Variants in PELI2 observed in about 807,000 individuals in gnomAD.
PELI2 encodes the protein pellino E3 ubiquitin protein ligase family member 2, also known as E3 ubiquitin-protein ligase pellino homolog 2.
A neutral mutation model predicts 42.3 loss-of-function variants in PELI2; 23 were observed. The ratio of observed to expected loss-of-function variants is 0.54; its 90% CI spans 0.39 to 0.77. PELI2 has a LOEUF of 0.77. Ranked by LOEUF, PELI2 falls within the 30% of genes least tolerant of loss-of-function variation. The probability of loss-of-function intolerance (pLI) is 0.00; values close to 1 mark genes in which losing one functional copy is unlikely to be tolerated. For synonymous variants in PELI2, 245 were observed against 212.2 expected, an observed-to-expected ratio of 1.15 and a Z score of -1.34; for missense variants, 463 against 553.2, an observed-to-expected ratio of 0.84 and a Z score of 1.64.
In PELI2 at chr14:56,223,108, G is replaced by A. The variant is rs138602867; in HGVS notation, c.207+44644G>A. On this transcript the variant is annotated intron_variant, in intron 2 of 5. Transcript: ENST00000267460. Reference sequence around the variant, plus strand: ...AGTGACCCCTGATGCTCGTGCCTCCGTCCACCTCTACAGCCTGTGGCCAAA... The same window carrying A: ...AGTGACCCCTGATGCTCGTGCCTCCATCCACCTCTACAGCCTGTGGCCAAA... Among the ~76,000 whole-genome samples the A allele has an allele frequency of 1.8e-3, 270 of 152,206 alleles. 1 individual carries two copies. The highest frequency in any genetic ancestry group is 3.1e-3 in the South Asian group (15 of 4,818).
At chr14:56,241,653 T>C (rs1439544559) in intron 2 of PELI2, among the ~76,000 whole-genome samples, 1 of 152,152 alleles carries the variant, frequency 6.6e-6, no homozygotes, top group Non-Finnish European at 1.5e-5. Flanking sequence ...GGGCACTTTA[T>C]TGTGAAATTT....
At chr14:56,175,817 G>A (rs1468948562) in intron 1 of PELI2, among the ~76,000 whole-genome samples, 1 of 152,206 alleles carries the variant, frequency 6.6e-6, no homozygotes, top group East Asian at 1.9e-4. Context: ...GAAGCTGAAG[G>A]AATTTTGTCA....
At chr14:56,176,114 G>A (rs1305981424) in intron 1 of PELI2, among the ~76,000 whole-genome samples, 1 of 152,218 alleles carries the variant, frequency 6.6e-6, no homozygotes, top group Non-Finnish European at 1.5e-5. Context: ...CCAGAGTGGT[G>A]GGGAAGATGT....
chr14:56,159,798 C>T (rs1884690043), intron 1 of PELI2, among the ~76,000 whole-genome samples: 1 of 152,158 alleles, frequency 6.6e-6, no homozygotes. Context: ...CTTCCTGATT[C>T]CCAGTACTTT....
At chr14:56,223,961 C>G (rs763676689) in intron 2 of PELI2, among the ~76,000 whole-genome samples, 1 of 152,014 alleles carries the variant, frequency 6.6e-6, no homozygotes, top group Non-Finnish European at 1.5e-5. Flanking sequence ...TGGTGGAGAT[C>G]GATGTACTTT....
Position 56,124,895 on chromosome 14 carries a change from A to G in PELI2, c.77+6158A>G, listed in dbSNP as rs569882000. ...GGCTAGGAAAGAATGATTGAATGAA[A>G]CATTGTGAGGGATGATGATGGGGGG... On this transcript the variant is annotated intron_variant, in intron 1 of 5. Coordinates refer to ENST00000267460, the MANE Select transcript of PELI2 (RefSeq NM_021255.3). Among the ~76,000 whole-genome samples, 2 of 152,326 alleles carry G rather than the reference A, an allele frequency of 1.3e-5. 1 individual carries two copies. Among genetic ancestry groups the G allele is most frequent in the South Asian group, 4.1e-4 (2 of 4,832 alleles).
intron 1 of PELI2, among the ~76,000 whole-genome samples, chr14:56,119,424 G>A (rs1882982202): frequency 6.6e-6 from 1 of 151,996 alleles, no homozygotes; most frequent in Non-Finnish European, 1.5e-5. Flanking sequence ...GGCTGCTCGG[G>A]GCCTGGCACC....
chr14:56,148,330 C>A (rs1438816682), intron 1 of PELI2, among the ~76,000 whole-genome samples: 1 of 152,108 alleles, frequency 6.6e-6, no homozygotes, highest in African/African-American at 2.4e-5. Flanking sequence ...AGAGATGTGA[C>A]CCTGTTAAGA....
chr14:56,284,966 G>A (rs1443929561), intron 3 of PELI2, among the ~76,000 whole-genome samples: 1 of 152,254 alleles, frequency 6.6e-6, no homozygotes, highest in Admixed American at 6.5e-5. Context: ...ACTTGGAAGG[G>A]CAGGTAGAGG....
At chr14:56,178,268 CTCT>C in intron 1 of PELI2, 64 bp from the exon 2 acceptor site, 1 of 1,544,210 alleles carries the variant, frequency 6.5e-7, no homozygotes, top group South Asian at 1.1e-5. Flanking sequence ...TATTCAATAC[CTCT>C]AACTTTTATG....
chr14:56,181,156 G>T (rs532168716), intron 2 of PELI2, among the ~76,000 whole-genome samples: 9 of 151,802 alleles, frequency 5.9e-5, no homozygotes, highest in African/African-American at 1.7e-4. Flanking sequence ...TCTATTTTTG[G>T]ATATACTTCC....
intron 1 of PELI2, among the ~76,000 whole-genome samples, chr14:56,155,994 C>T (rs1642580186): frequency 6.6e-6 from 1 of 152,098 alleles, no homozygotes; most frequent in Non-Finnish European, 1.5e-5. Flanking sequence ...TAAGCTAAAA[C>T]TTTTATAACA....
chr14:56,142,547 C>T (rs1595551688), intron 1 of PELI2, among the ~76,000 whole-genome samples: 1 of 152,170 alleles, frequency 6.6e-6, no homozygotes, highest in East Asian at 1.9e-4. Flanking sequence ...GTCTTCCACA[C>T]CCTTCTCTTT....
At chr14:56,295,352 C>A (rs577471133) in intron 5 of PELI2, among the ~76,000 whole-genome samples, 43 of 152,178 alleles carry the variant, frequency 2.8e-4, no homozygotes, top group African/African-American at 1.0e-3. Context: ...TCGTCCCCCC[C>A]CACCCAGTGC....
intron 1 of PELI2, among the ~76,000 whole-genome samples, chr14:56,120,886 A>G (rs1001797980): frequency 6.6e-6 from 1 of 152,180 alleles, no homozygotes; most frequent in Admixed American, 6.5e-5. Context: ...TGGTTTTTGA[A>G]TACTTGAATT....
intron 1 of PELI2, among the ~76,000 whole-genome samples, chr14:56,167,596 G>A (rs538818953): frequency 9.2e-5 from 14 of 152,176 alleles, no homozygotes; most frequent in African/African-American, 3.4e-4. Context: ...GAATTTCTTC[G>A]AGTTTCCTCA....
At position 56,207,567 on chromosome 14, in the gene PELI2, T is replaced by C. The variant is rs113808687; in HGVS notation, c.207+29103T>C. Among the ~76,000 whole-genome samples, 66 of 152,312 alleles carry C rather than the reference T, an allele frequency of 4.3e-4. 2 individuals are homozygous for C. The highest frequency in any genetic ancestry group is 1.6e-3 in the African/African-American group (65 of 41,562). Reference sequence around the variant, plus strand: ...TTTCCTTTAGCAAATTGTATTTACATAGAAATGAGACTTACATAGTGTGGA... The same window carrying C: ...TTTCCTTTAGCAAATTGTATTTACACAGAAATGAGACTTACATAGTGTGGA... On this transcript the variant is annotated intron_variant, in intron 2 of 5. Coordinates refer to ENST00000267460, the MANE Select transcript of PELI2 (RefSeq NM_021255.3).
intron 2 of PELI2, among the ~76,000 whole-genome samples, chr14:56,239,608 AAC>A (rs1887906773): frequency 1.3e-5 from 2 of 152,172 alleles, no homozygotes; most frequent in Non-Finnish European, 2.9e-5. Context: ...CTGAGTGGCA[AAC>A]AGAGTAAGCC....
At chr14:56,211,557 T>A (rs1390889591) in intron 2 of PELI2, among the ~76,000 whole-genome samples, 7 of 152,260 alleles carry the variant, frequency 4.6e-5, no homozygotes, top group South Asian at 2.1e-4. Context: ...ATGTGAATGA[T>A]GCCTGTATCT....
Sources: gnomAD v4.1 joint callset for allele counts (sites outside exome capture counted in the v4.1 genomes callset) on GRCh38, gnomAD v4.1.1 for gene constraint, MANE v1.5 for transcripts, NCBI Gene and HGNC (gene_info 2026-07-23, HGNC 2026-07-21) for gene names.